The following ENOX2 variants were observed in gnomAD, a reference collection of about 807,000 sequenced individuals.
ENOX2 encodes the protein APK1 antigen.
ENOX2 carries 36 observed loss-of-function variants against 45.0 expected under a neutral mutation model. The ratio of observed to expected loss-of-function variants is 0.80; its 90% CI spans 0.61 to 1.06. The LOEUF is 1.06. Among genes scored for constraint, ENOX2 ranks in the 50% least tolerant of loss-of-function variants. The probability of loss-of-function intolerance (pLI) is 0.00; values close to 1 mark genes in which losing one functional copy is unlikely to be tolerated. For missense variants in ENOX2, 423 were observed against 462.5 expected, an observed-to-expected ratio of 0.91 and a Z score of 0.78; for synonymous variants, 174 against 152.3, an observed-to-expected ratio of 1.14 and a Z score of -1.05.
At chrX:130,876,006 C>T (rs2078693526) in intron 2 of ENOX2, among the ~76,000 whole-genome samples, 1 of 111,528 alleles carries the variant, frequency 9.0e-6, no homozygotes, top group Non-Finnish European at 1.9e-5. Flanking sequence ...GCTGGTAGGA[C>T]CGTAAAATTG....
chrX:130,639,600 A>G (rs1212075832), intron 10 of ENOX2, among the ~76,000 whole-genome samples: 3 of 112,220 alleles, frequency 2.7e-5, no homozygotes, highest in Non-Finnish European at 5.6e-5. Context: ...CACCAGAACC[A>G]GACTCAGATA....
chrX:130,633,010 G>C (rs1386994734), intron 12 of ENOX2, among the ~76,000 whole-genome samples: 1 of 112,249 alleles, frequency 8.9e-6, no homozygotes, highest in Non-Finnish European at 1.9e-5. Context: ...ATTCTGGGAA[G>C]TTTTAGCCAT....
At chrX:130,893,155 A>G (rs972670094) in intron 2 of ENOX2, among the ~76,000 whole-genome samples, 1 of 112,485 alleles carries the variant, frequency 8.9e-6, no homozygotes, top group Non-Finnish European at 1.9e-5. Flanking sequence ...CAAATGGTAT[A>G]TAAGAATTCT....
intron 11 of ENOX2, among the ~76,000 whole-genome samples, chrX:130,635,952 A>C: frequency 8.9e-6 from 1 of 112,700 alleles, no homozygotes; most frequent in South Asian, 3.7e-4. Context: ...AATGAAATAA[A>C]ATTTCATGAT....
intron 9 of ENOX2, among the ~76,000 whole-genome samples, chrX:130,663,444 T>G (rs2036747383): frequency 9.6e-6 from 1 of 104,335 alleles, no homozygotes; most frequent in Non-Finnish European, 1.9e-5. Context: ...GGCAGGAGAA[T>G]CACTTGAACC....
intron 2 of ENOX2, among the ~76,000 whole-genome samples, chrX:130,806,524 C>T (rs2077303574): frequency 8.9e-6 from 1 of 112,006 alleles, no homozygotes; most frequent in Admixed American, 9.4e-5. Context: ...TCCAAATCAG[C>T]AAGATGTACT....
At chrX:130,872,666 C>G (rs1199218613) in intron 2 of ENOX2, among the ~76,000 whole-genome samples, 1 of 111,814 alleles carries the variant, frequency 8.9e-6, no homozygotes, top group Non-Finnish European at 1.9e-5. Flanking sequence ...CTACAGTAAC[C>G]AAAACAGCAT....
At chrX:130,668,549 T>G (rs193173425) in intron 7 of ENOX2, among the ~76,000 whole-genome samples, 1 of 112,466 alleles carries the variant, frequency 8.9e-6, no homozygotes, top group African/African-American at 3.2e-5. Context: ...CCAAAGCTTC[T>G]GGTTCAGCTC....
At chrX:130,751,356 C>G (rs757815297) in intron 3 of ENOX2, among the ~76,000 whole-genome samples, 4 of 111,988 alleles carry the variant, frequency 3.6e-5, no homozygotes, top group Non-Finnish European at 7.5e-5. Flanking sequence ...AGGTTTATCT[C>G]CCTTGTAGCA....
chrX:130,646,207 T>C, intron 10 of ENOX2: 1 of 471,666 alleles, frequency 2.1e-6, no homozygotes, highest in Non-Finnish European at 3.9e-6. Flanking sequence ...CAAAGATCAC[T>C]TGGAATTGTG....
chrX:130,871,877 C>A (rs2078599292), intron 2 of ENOX2, among the ~76,000 whole-genome samples: 1 of 111,488 alleles, frequency 9.0e-6, no homozygotes, highest in Non-Finnish European at 1.9e-5. Context: ...GTTAACCTCA[C>A]CATGAGACAT....
rs1371255125 is a variant in ENOX2, at chrX:130,815,432, T to A, written c.-182-31742A>T. ...AGATACTCCTCGAGAAGAGCAACCC[T>A]AAGACATATAATCATCAGATTCACC... On this transcript the variant is annotated intron_variant, in intron 2 of 14. Transcript: ENST00000394363. 3.6e-5 allele frequency among the ~76,000 whole-genome samples: 4 copies of A among 111,190 alleles called. No individual in the cohort carries two copies. The Admixed American group carries it at 3.8e-4, about 11-fold the overall frequency.
chrX:130,894,428 C>CT (rs762739513), intron 2 of ENOX2, among the ~76,000 whole-genome samples: 1,553 of 95,226 alleles, frequency 0.016, 33 homozygotes, highest in African/African-American at 0.051. Flanking sequence ...ATGGAATATC[C>CT]TTTTTTTTTT....
chrX:130,848,821 C>CAA (rs202197123), intron 2 of ENOX2, among the ~76,000 whole-genome samples: 1 of 108,043 alleles, frequency 9.3e-6, no homozygotes, highest in African/African-American at 3.4e-5. Context: ...ACAAAACAAA[C>CAA]AAAAAAAAAC....
chrX:130,763,887 T>C (rs1047514609), intron 3 of ENOX2, among the ~76,000 whole-genome samples: 13 of 110,659 alleles, frequency 1.2e-4, no homozygotes, highest in African/African-American at 3.3e-4. Flanking sequence ...GTGTGTCTGG[T>C]GTCTGGCTAG....
chrX:130,625,622 G>A (rs149943099), intron 14 of ENOX2, among the ~76,000 whole-genome samples, 177 bp from the exon 15 acceptor site: 3,934 of 112,077 alleles, frequency 0.035, 76 homozygotes, highest in Non-Finnish European at 0.056. Flanking sequence ...AGCCAGCAGC[G>A]TTCCTCTGCT....
intron 3 of ENOX2, among the ~76,000 whole-genome samples, chrX:130,770,160 C>T (rs1316896948): frequency 4.5e-5 from 5 of 111,984 alleles, no homozygotes; most frequent in Non-Finnish European, 9.4e-5. Context: ...GATTCCACAG[C>T]TCTAAGACAG....
Position 130,755,559 on chromosome X carries a change from C to T in ENOX2, c.-39+27988G>A, listed in dbSNP as rs2039333573. Among the ~76,000 whole-genome samples the T allele has an allele frequency of 4.5e-5, 5 of 110,712 alleles. No homozygotes were observed. The South Asian group carries it at 1.9e-3, about 43-fold the overall frequency. ...CTAGGATTCCATGTGTTTCTGAGTA[C>T]TAAGCACATGGGGTCACATGTTTTT... On this transcript the variant is annotated intron_variant, in intron 3 of 14. Transcript: ENST00000394363.
intron 4 of ENOX2, among the ~76,000 whole-genome samples, chrX:130,694,578 C>T (rs1014285912): frequency 4.6e-5 from 5 of 108,284 alleles, no homozygotes; most frequent in African/African-American, 1.0e-4. Flanking sequence ...TTGGCAGGCC[C>T]GTTCATGCTG....
Sources: gnomAD v4.1 joint callset for allele counts (sites outside exome capture counted in the v4.1 genomes callset) on GRCh38, gnomAD v4.1.1 for gene constraint, MANE v1.5 for transcripts, NCBI Gene and HGNC (gene_info 2026-07-23, HGNC 2026-07-21) for gene names.